Variants in DLGAP1 observed in about 807,000 individuals in gnomAD.
DLGAP1 encodes the protein DLG associated protein 1.
A neutral mutation model predicts 90.8 loss-of-function variants in DLGAP1; 11 were observed. The observed-to-expected ratio is 0.12, with a 90% CI of 0.08 to 0.20. The LOEUF (loss-of-function observed/expected upper bound fraction) is 0.20, where lower values mean the gene tolerates loss of function less well. Ranked by LOEUF, DLGAP1 falls within the 10% of genes least tolerant of loss-of-function variation. The pLI is 1.00. For missense variants in DLGAP1, 1,050 were observed against 1,333.8 expected (o/e 0.79, Z 3.31); for synonymous variants, 558 against 540.7 (o/e 1.03, Z -0.44).
At chr18:3,665,779 T>C (rs1340652342) in intron 7 of DLGAP1, among the ~76,000 whole-genome samples, 1 of 152,254 alleles carries the variant, frequency 6.6e-6, no homozygotes, top group Non-Finnish European at 1.5e-5. Flanking sequence ...CCGTATCATT[T>C]ATGTAAGTTA....
At chr18:3,736,699 C>T (rs991967810) in intron 6 of DLGAP1, among the ~76,000 whole-genome samples, 4 of 152,020 alleles carry the variant, frequency 2.6e-5, no homozygotes, top group African/African-American at 9.7e-5. Context: ...TACAACAGGA[C>T]GTTTGAAATT....
chr18:4,328,499 T>C (rs2143695101), intron 1 of DLGAP1, among the ~76,000 whole-genome samples: 1 of 152,098 alleles, frequency 6.6e-6, no homozygotes, highest in African/African-American at 2.4e-5. Context: ...TAAACAAAGC[T>C]TGCAAGAACA....
chr18:3,514,862 G>A (rs1286612193), intron 10 of DLGAP1, among the ~76,000 whole-genome samples: 1 of 152,168 alleles, frequency 6.6e-6, no homozygotes, highest in East Asian at 1.9e-4. Flanking sequence ...GTTGCTAAAG[G>A]TAGGGGTGGC....
rs557086241 is a variant in DLGAP1, at chr18:3,992,180, C to T, written c.-73+12936G>A. Among the ~76,000 whole-genome samples the T allele has an allele frequency of 8.5e-5, 13 of 152,212 alleles. No homozygotes were observed. The East Asian group carries it at 2.5e-3, about 29-fold the overall frequency. On this transcript the variant is annotated intron_variant, in intron 3 of 12. Coordinates refer to ENST00000315677, the MANE Select transcript of DLGAP1 (RefSeq NM_004746.4). ...TATATTGGTTTACTCATATTGGTCCCCTATTTTAATGATTTAAAGCACGTT... is the reference window on the plus strand; with the variant it reads ...TATATTGGTTTACTCATATTGGTCCTCTATTTTAATGATTTAAAGCACGTT...
At chr18:3,882,084 T>C (rs572457174) in intron 3 of DLGAP1, among the ~76,000 whole-genome samples, 1 of 152,328 alleles carries the variant, frequency 6.6e-6, no homozygotes, top group Non-Finnish European at 1.5e-5. Context: ...AGTAAAGATA[T>C]GGCAAATAAA....
chr18:4,205,331 G>A (rs183670197), intron 1 of DLGAP1, among the ~76,000 whole-genome samples: 4 of 152,234 alleles, frequency 2.6e-5, no homozygotes, highest in East Asian at 1.9e-4. Flanking sequence ...GTGTGTCTAC[G>A]GCATATGGCA....
At chr18:4,402,177 A>G (rs543691774) in intron 1 of DLGAP1, among the ~76,000 whole-genome samples, 9 of 152,346 alleles carry the variant, frequency 5.9e-5, no homozygotes, top group African/African-American at 2.2e-4. Flanking sequence ...TCTTTGGCCA[A>G]TAAGTACCTA....
At chr18:4,394,932 T>C (rs1046743449) in intron 1 of DLGAP1, among the ~76,000 whole-genome samples, 3 of 152,228 alleles carry the variant, frequency 2.0e-5, no homozygotes, top group Non-Finnish European at 2.9e-5. Flanking sequence ...GGCCCTACTG[T>C]GCTAAATTAA....
intron 9 of DLGAP1, among the ~76,000 whole-genome samples, chr18:3,543,201 C>T (rs139765705): frequency 0.054 from 7,163 of 132,810 alleles, 277 homozygotes; most frequent in Admixed American, 0.12. Flanking sequence ...GACGGAGTCT[C>T]GCTTTGTCAC....
intron 11 of DLGAP1, among the ~76,000 whole-genome samples, chr18:3,507,556 A>G (rs2050306703): frequency 6.6e-6 from 1 of 151,962 alleles, no homozygotes; most frequent in African/African-American, 2.4e-5. Flanking sequence ...ACCCTCAAAA[A>G]TCATGCCTGT....
At position 3,731,697 on chromosome 18, in the gene DLGAP1, C is replaced by T. The variant is rs566467214; in HGVS notation, c.1351-2322G>A. On this transcript the variant is annotated intron_variant, in intron 6 of 12. Transcript: ENST00000315677. ...ATGCTGGGATTACAGGTGTGAACTA[C>T]GGCTCCTGGCTAAACTTATATTCTT... Among the ~76,000 whole-genome samples, 247 of 152,038 alleles carry T rather than the reference C, an allele frequency of 1.6e-3. 1 individual carries two copies. Among genetic ancestry groups the T allele is most frequent in the South Asian group, 0.016 (77 of 4,820 alleles).
rs372368787 is a variant in DLGAP1, at chr18:3,608,604, A to G, written c.1592-26356T>C. 7.2e-5 allele frequency among the ~76,000 whole-genome samples: 11 copies of G among 152,144 alleles called. No individual in the cohort carries two copies. The East Asian group carries it at 7.7e-4, about 11-fold the overall frequency. ...TGCCCTAAAATATGGTGACTTGGCA[A>G]TTGAGAAAACTGAAGGAGCAAGAAG... On this transcript the variant is annotated intron_variant, in intron 7 of 12. Transcript: ENST00000315677.
At chr18:4,255,357 A>G (rs1354925141) in intron 1 of DLGAP1, among the ~76,000 whole-genome samples, 1 of 152,070 alleles carries the variant, frequency 6.6e-6, no homozygotes, top group African/African-American at 2.4e-5. Flanking sequence ...TCTTTTCCCC[A>G]AGTAAACTGT....
chr18:4,054,711 T>A (rs2075187044), intron 2 of DLGAP1, among the ~76,000 whole-genome samples: 1 of 152,186 alleles, frequency 6.6e-6, no homozygotes, highest in African/African-American at 2.4e-5. Context: ...TAATCTAAAT[T>A]GAGATTGTTC....
intron 2 of DLGAP1, among the ~76,000 whole-genome samples, chr18:4,055,116 G>C (rs1395148758): frequency 6.6e-6 from 1 of 152,140 alleles, no homozygotes; most frequent in Non-Finnish European, 1.5e-5. Context: ...TTTGGTTCCT[G>C]CTCATGTGAC....
In DLGAP1 at chr18:4,342,669, T is replaced by A. The variant is rs186878932; in HGVS notation, c.-267+112337A>T. Among the ~76,000 whole-genome samples, 2 of 152,352 alleles carry A rather than the reference T, an allele frequency of 1.3e-5. No individual in the cohort carries two copies. Among genetic ancestry groups the A allele is most frequent in the East Asian group, 3.9e-4 (2 of 5,182 alleles). The stretch of plus-strand genomic sequence containing the variant: ...TATTTGTTTTGGTTTTGGTTAATAC[T>A]ACATTTGCCACAAATCTGCAGATGT... On this transcript the variant is annotated intron_variant, in intron 1 of 12. Transcript: ENST00000315677. The surrounding 1 kb of genome is among the most constrained non-coding windows in gnomAD (Gnocchi z 5.8).
intron 7 of DLGAP1, among the ~76,000 whole-genome samples, chr18:3,649,610 T>G (rs2059226739): frequency 6.6e-6 from 1 of 152,122 alleles, no homozygotes; most frequent in Admixed American, 6.5e-5. Context: ...CCAAGAGAAG[T>G]CTTTATTTTA....
At chr18:4,255,783 T>A (rs1226002846) in intron 1 of DLGAP1, among the ~76,000 whole-genome samples, 1 of 152,036 alleles carries the variant, frequency 6.6e-6, no homozygotes, top group African/African-American at 2.4e-5. Context: ...AAACTAAATA[T>A]AAATTTAATG....
chr18:3,806,867 A>G (rs1443569696), intron 5 of DLGAP1, among the ~76,000 whole-genome samples: 3 of 152,176 alleles, frequency 2.0e-5, no homozygotes, highest in Non-Finnish European at 2.9e-5. Context: ...GCCAGCTGTC[A>G]AGGGTGCAAA....
Sources: allele counts gnomAD v4.1 joint callset (sites outside exome capture counted in the v4.1 genomes callset), GRCh38; gene constraint gnomAD v4.1.1; non-coding constraint Gnocchi (gnomAD v3.1); transcripts MANE v1.5; gene names NCBI Gene and HGNC (gene_info 2026-07-23, HGNC 2026-07-21).